Variants in RTF2 observed in about 807,000 individuals in gnomAD.
RTF2 encodes the protein replication termination factor 2.
Under a neutral mutation model 38.0 loss-of-function variants are expected in RTF2, and 18 were observed. That is an observed-to-expected ratio of 0.47 (90% confidence interval 0.33 to 0.70). RTF2 has a LOEUF of 0.70. RTF2 is among the 30% of genes least tolerant of loss of function. The pLI, the probability that RTF2 is intolerant of heterozygous loss-of-function variation, is 0.02. For missense variants in RTF2, 311 were observed against 379.6 expected, an observed-to-expected ratio of 0.82 and a Z score of 1.50; for synonymous variants, 126 against 137.1, an observed-to-expected ratio of 0.92 and a Z score of 0.57.
At chr20:56,516,874 C>T in intron 6 of RTF2, 61 bp from the exon 7 acceptor site, 1 of 1,514,764 alleles carries the variant, frequency 6.6e-7, no homozygotes, top group Non-Finnish European at 9.2e-7. Context: ...TGGGCAGCCA[C>T]ACTGACGCTG....
At chr20:56,493,944 C>T (rs773228998) in intron 5 of RTF2, among the ~76,000 whole-genome samples, 2 of 152,160 alleles carry the variant, frequency 1.3e-5, no homozygotes, top group Admixed American at 6.5e-5. Context: ...TGGTGGCAGG[C>T]GGTTGCTCCC....
In RTF2 at chr20:56,506,891, G is replaced by C. The variant is rs185782668; in HGVS notation, c.478-6424G>C. Among the ~76,000 whole-genome samples, 613 of 152,098 alleles carry C rather than the reference G, an allele frequency of 4.0e-3. 4 individuals carry two copies. The highest frequency in any genetic ancestry group is 0.014 in the African/African-American group (580 of 41,494). On this transcript the variant is annotated intron_variant, in intron 5 of 8. Coordinates refer to ENST00000357348, the MANE Select transcript of RTF2 (RefSeq NM_016407.5). The stretch of plus-strand genomic sequence containing the variant: ...AATTTTTTGTATTTTTAGTAGAGAC[G>C]GGGTTTCACCATGTTAGCCAGGATG...
chr20:56,506,248 A>G (rs1326690138), intron 5 of RTF2, among the ~76,000 whole-genome samples: 2 of 152,318 alleles, frequency 1.3e-5, no homozygotes, highest in African/African-American at 4.8e-5. Context: ...CTAACAGTGT[A>G]GTGGAGGAAA....
Position 56,492,590 on chromosome 20 carries a change from G to A in RTF2, c.477+8401G>A, listed in dbSNP as rs577987582. Reference sequence around the variant, plus strand: ...AAAATTTTTTTTAAAGTGGGAATTAGAGTTGGAATCCAGTGGTGACTGGAT... The same window carrying A: ...AAAATTTTTTTTAAAGTGGGAATTAAAGTTGGAATCCAGTGGTGACTGGAT... On this transcript the variant is annotated intron_variant, in intron 5 of 8. Transcript: ENST00000357348. Among the ~76,000 whole-genome samples the A allele has an allele frequency of 5.3e-5, 8 of 151,646 alleles. No individual in the cohort carries two copies. In the East Asian group the frequency reaches 1.6e-3, roughly 31 times the overall value.
At chr20:56,500,785 A>G (rs1415897162) in intron 5 of RTF2, among the ~76,000 whole-genome samples, 3 of 152,084 alleles carry the variant, frequency 2.0e-5, no homozygotes, top group Non-Finnish European at 4.4e-5. Context: ...TTGTTTCAAC[A>G]TAAACTTTTT....
chr20:56,516,714 T>G (rs1985061766), intron 6 of RTF2: 1 of 594,508 alleles, frequency 1.7e-6, no homozygotes, highest in Non-Finnish European at 3.0e-6. Flanking sequence ...TCTGTGCAGA[T>G]ACATTTTTGT....
rs144188741 is a variant in RTF2 at position 56,482,753 on chromosome 20, G to A, written c.399-1358G>A. ...GTCTGCTATAATCCCTGGGAAATTA[G>A]AGAAAATTTGTCCTTTGGCATTTTT... On this transcript the variant is annotated intron_variant, in intron 4 of 8. Coordinates refer to ENST00000357348, the MANE Select transcript of RTF2 (RefSeq NM_016407.5). Among the ~76,000 whole-genome samples, 377 of 152,324 alleles carry A rather than the reference G, an allele frequency of 2.5e-3. 1 individual carries two copies. Among genetic ancestry groups the A allele is most frequent in the African/African-American group, 8.7e-3 (362 of 41,570 alleles).
At position 56,518,228 on chromosome 20, in the gene RTF2, C is replaced by A. The variant is rs756844857; in HGVS notation, c.884C>A (p.Ser295Tyr). ...TCCGCCAAGCGCTCCAAGGAGGAGT[C>A]TGCCCACTGGGTCACCCACACGTCC... ...HSSAKRSKEE[S>Y]AHWVTHTSYC... Residue 295 changes from serine (S) to tyrosine (Y), a missense_variant, in exon 9 of 9, where the codon TCT becomes TAT. Transcript: ENST00000357348. The A allele has an allele frequency of 6.2e-7, 1 of 1,613,922 alleles. No individual in the cohort carries two copies. Among genetic ancestry groups the A allele is most frequent in the African/African-American group, 1.3e-5 (1 of 74,926 alleles).
chr20:56,508,085 AGGGATTTGT>A (rs1196356566), intron 5 of RTF2, among the ~76,000 whole-genome samples: 2 of 152,180 alleles, frequency 1.3e-5, no homozygotes, highest in Non-Finnish European at 2.9e-5. Flanking sequence ...CACCACCCTC[AGGGATTTGT>A]GGGTCAAAAA....
chr20:56,484,264 C>T, intron 5 of RTF2, 75 bp downstream of exon 5: 2 of 1,221,552 alleles, frequency 1.6e-6, no homozygotes, highest in Non-Finnish European at 2.4e-6. Context: ...CCTTTCCCTC[C>T]ATTTGTTCTT....
chr20:56,497,332 G>T (rs1334237057), intron 5 of RTF2: 2 of 1,550,188 alleles, frequency 1.3e-6, no homozygotes, highest in Non-Finnish European at 1.7e-6. Context: ...TGCAGCCCCC[G>T]AGAAATCCTG....
At chr20:56,493,221 G>A (rs1416503695) in intron 5 of RTF2, among the ~76,000 whole-genome samples, 1 of 152,240 alleles carries the variant, frequency 6.6e-6, no homozygotes, top group Non-Finnish European at 1.5e-5. Flanking sequence ...AAGGGGCAGG[G>A]GGATGTATGC....
At chr20:56,492,914 A>G (rs1041769686) in intron 5 of RTF2, among the ~76,000 whole-genome samples, 1 of 152,030 alleles carries the variant, frequency 6.6e-6, no homozygotes, top group Non-Finnish European at 1.5e-5. Flanking sequence ...GCAGTGGGTG[A>G]CACCTGTAAT....
chr20:56,508,731 CATTG>C (rs1984439984), intron 5 of RTF2, among the ~76,000 whole-genome samples: 1 of 152,142 alleles, frequency 6.6e-6, no homozygotes, highest in Non-Finnish European at 1.5e-5. Flanking sequence ...CATGTATGGT[CATTG>C]ATTTTTGACA....
intron 2 of RTF2, 102 bp downstream of exon 2, chr20:56,473,497 C>G: frequency 1.3e-6 from 1 of 799,228 alleles, no homozygotes; most frequent in Non-Finnish European, 2.1e-6. Context: ...TTATCCCAAG[C>G]AAATTTGTGA....
At chr20:56,492,554 T>C (rs973832631) in intron 5 of RTF2, among the ~76,000 whole-genome samples, 5 of 150,142 alleles carry the variant, frequency 3.3e-5, no homozygotes, top group Non-Finnish European at 7.4e-5. Flanking sequence ...ATCTCGTCTG[T>C]AATTTAAAAA....
At chr20:56,497,867 G>A (rs529531311) in intron 5 of RTF2, among the ~76,000 whole-genome samples, 2 of 152,072 alleles carry the variant, frequency 1.3e-5, no homozygotes, top group East Asian at 1.9e-4. Flanking sequence ...TTGCCGATAC[G>A]CCTTCTGTCA....
rs578040346 is a variant in RTF2, at chr20:56,507,103, G to A, written c.478-6212G>A. Among the ~76,000 whole-genome samples the A allele has an allele frequency of 3.9e-5, 6 of 152,240 alleles. No individual in the cohort carries two copies. The East Asian group carries it at 7.7e-4, about 20-fold the overall frequency. On this transcript the variant is annotated intron_variant, in intron 5 of 8. Transcript: ENST00000357348. ...TTTAAATGGATGTATAATTTCTACC[G>A]TACAATAGCAGTACTCAAGAAAAAT...
intron 2 of RTF2, 91 bp downstream of exon 2, chr20:56,473,486 A>G: frequency 6.5e-6 from 6 of 917,332 alleles, no homozygotes; most frequent in Non-Finnish European, 1.0e-5. Flanking sequence ...TCAAGCGTGG[A>G]TTATCCCAAG....
Sources: allele counts gnomAD v4.1 joint callset (sites outside exome capture counted in the v4.1 genomes callset), GRCh38; gene constraint gnomAD v4.1.1; transcripts MANE v1.5; gene names NCBI Gene and HGNC (gene_info 2026-07-23, HGNC 2026-07-21).